Variants in RUNX2 observed in about 807,000 individuals in gnomAD.
RUNX2 encodes RUNX family transcription factor 2.
In RUNX2, 10 loss-of-function variants were observed where a neutral mutation model predicts 51.7. The observed-to-expected ratio is 0.19, with a 90% CI of 0.12 to 0.33. RUNX2 has a LOEUF of 0.33. RUNX2 is among the 10% of genes least tolerant of loss of function. The pLI is 1.00. For synonymous variants in RUNX2, 276 were observed against 273.6 expected (o/e 1.01, Z -0.09); for missense variants, 562 against 691.3 (o/e 0.81, Z 2.10).
intron 5 of RUNX2, among the ~76,000 whole-genome samples, chr6:45,464,202 A>AT (rs1468368211): frequency 6.6e-6 from 1 of 152,114 alleles, no homozygotes; most frequent in East Asian, 1.9e-4. Context: ...AAAAAAAAAA[A>AT]AAAATGTTTA....
chr6:45,523,742 G>A (rs1801579892), intron 7 of RUNX2, among the ~76,000 whole-genome samples: 1 of 151,788 alleles, frequency 6.6e-6, no homozygotes, highest in African/African-American at 2.4e-5. Flanking sequence ...AGACCATCCT[G>A]GCCAACATGG....
intron 5 of RUNX2, among the ~76,000 whole-genome samples, chr6:45,487,333 G>A (rs763825294): frequency 6.6e-6 from 1 of 152,102 alleles, no homozygotes; most frequent in Non-Finnish European, 1.5e-5. Flanking sequence ...TTTAGGTAAG[G>A]CATGTCCCCT....
At chr6:45,373,510 CAAA>C (rs1017667923) in intron 2 of RUNX2, among the ~76,000 whole-genome samples, 1 of 151,938 alleles carries the variant, frequency 6.6e-6, no homozygotes, top group African/African-American at 2.4e-5. Flanking sequence ...GTGACCAGAT[CAAA>C]AAAGCACCAT....
Position 45,466,408 on chromosome 6 carries a change from G to T in RUNX2, c.686-25533G>T, listed in dbSNP as rs185854666. On this transcript the variant is annotated intron_variant, in intron 5 of 8. Transcript: ENST00000647337. The stretch of plus-strand genomic sequence containing the variant: ...AGTGTGATTTCAATTTAAATGTGAA[G>T]AAAAAAATGGGGAGAAGTTAGGTAG... Among the ~76,000 whole-genome samples the T allele has an allele frequency of 2.2e-4, 34 of 152,246 alleles. No individual in the cohort carries two copies. The East Asian group carries it at 3.9e-3, about 17-fold the overall frequency.
Position 45,546,895 on chromosome 6 carries a change from C to A in RUNX2, c.1156C>A (p.Arg386Ser). The A allele has an allele frequency of 6.2e-7, 1 of 1,614,002 alleles. No individual in the cohort carries two copies. ...FPSISSLTESRFSNPRMHYPA... is the reference protein window; with the variant it reads ...FPSISSLTESSFSNPRMHYPA... ...AAGCATTTCATCCCTCACTGAGAGC[C>A]GCTTCTCCAACCCACGAATGCACTA... Residue 386 changes from arginine to serine, a missense_variant, in exon 9 of 9, where the codon CGC (arginine) becomes AGC (serine). Arg to Ser is a moderately radical substitution (Grantham distance 110, BLOSUM62 -1). Coordinates refer to ENST00000647337, the MANE Select transcript of RUNX2 (RefSeq NM_001024630.4).
intron 7 of RUNX2, among the ~76,000 whole-genome samples, chr6:45,514,601 G>A (rs528528008): frequency 6.6e-5 from 10 of 152,304 alleles, no homozygotes; most frequent in Non-Finnish European, 8.8e-5. Flanking sequence ...CAGCATGTAG[G>A]TAGGGAAACA....
intron 2 of RUNX2, among the ~76,000 whole-genome samples, chr6:45,366,405 T>C (rs1180768611): frequency 1.3e-5 from 2 of 152,176 alleles, no homozygotes; most frequent in Non-Finnish European, 2.9e-5. Flanking sequence ...CTTAGGGCTG[T>C]TGTGAGAATT....
Position 45,473,257 on chromosome 6 carries a change from C to A in RUNX2, c.686-18684C>A, listed in dbSNP as rs560768684. 5.9e-5 allele frequency among the ~76,000 whole-genome samples: 9 copies of A among 152,006 alleles called. No individual in the cohort carries two copies. The South Asian group carries it at 1.7e-3, about 28-fold the overall frequency. On this transcript the variant is annotated intron_variant, in intron 5 of 8. Transcript: ENST00000647337. ...TGGTTCCCCACACCCCCCAGCTCCA[C>A]CCTCCCCCATTCCTCCCACCTGCCA... is the stretch of plus-strand genomic sequence containing the variant.
rs2150371908 is a variant in RUNX2, at chr6:45,438,026, A to G, written c.660A>G (p.Thr220=). The change falls in exon 5 of 9, where the codon ACA becomes ACG. Residue 220 remains threonine (T), a synonymous_variant. Transcript: ENST00000647337. ...VATYHRAIKV[T]VDGPREPRRH... is the part of the protein sequence containing the mutation. ...CCTATCACAGAGCAATTAAAGTTAC[A>G]GTAGATGGACCTCGGGAACCCAGAA... The G allele has an allele frequency of 8.1e-6, 13 of 1,612,214 alleles. No homozygotes were observed. Among genetic ancestry groups the G allele is most frequent in the Non-Finnish European group, 1.1e-5 (13 of 1,178,330 alleles).
chr6:45,351,036 T>C (rs1184994321), intron 2 of RUNX2, among the ~76,000 whole-genome samples: 1 of 152,110 alleles, frequency 6.6e-6, no homozygotes, highest in Non-Finnish European at 1.5e-5. Flanking sequence ...ATCTAATGCC[T>C]GATGATGTGA....
intron 7 of RUNX2, chr6:45,513,686 A>G (rs996812972): frequency 2.0e-5 from 3 of 152,054 alleles, no homozygotes; most frequent in Non-Finnish European, 4.4e-5. Flanking sequence ...TGGAGGGAGA[A>G]TTGCAAGGTT....
chr6:45,334,846 T>C lies in RUNX2; in HGVS notation c.58+6062T>C, dbSNP rs544018017. On this transcript the variant is annotated intron_variant, in intron 2 of 8. Coordinates refer to ENST00000647337, the MANE Select transcript of RUNX2 (RefSeq NM_001024630.4). ...ATTTTTTTGCATGTAAGTTAACAAA[T>C]GTCAATCTATAAAACCAGTAACAGG... Among the ~76,000 whole-genome samples, 7 of 151,364 alleles carry C rather than the reference T, an allele frequency of 4.6e-5. No individual in the cohort carries two copies. In the South Asian group the frequency reaches 1.5e-3, roughly 31 times the overall value.
intron 7 of RUNX2, among the ~76,000 whole-genome samples, chr6:45,519,975 C>T (rs1264710746): frequency 6.6e-6 from 1 of 151,866 alleles, no homozygotes; most frequent in Non-Finnish European, 1.5e-5. Context: ...GGATTACAGG[C>T]ACCCACCACC....
intron 5 of RUNX2, among the ~76,000 whole-genome samples, chr6:45,472,649 G>T (rs777576228): frequency 1.3e-5 from 2 of 152,184 alleles, no homozygotes; most frequent in African/African-American, 2.4e-5. Context: ...CTTGTATCTG[G>T]TTCCTGCTCT....
chr6:45,373,550 T>C (rs1796381857), intron 2 of RUNX2, among the ~76,000 whole-genome samples: 1 of 152,000 alleles, frequency 6.6e-6, no homozygotes. Flanking sequence ...ATTATTTGTG[T>C]GTGTGTGTGT....
intron 5 of RUNX2, among the ~76,000 whole-genome samples, 169 bp from the exon 6 acceptor site, chr6:45,491,772 C>T (rs931210713): frequency 6.6e-6 from 1 of 151,902 alleles, no homozygotes; most frequent in African/African-American, 2.4e-5. Context: ...CCAGATACCG[C>T]TTATAAAGCA....
At chr6:45,523,563 G>A (rs932201606) in intron 7 of RUNX2, among the ~76,000 whole-genome samples, 5 of 151,808 alleles carry the variant, frequency 3.3e-5, no homozygotes, top group Non-Finnish European at 7.4e-5. Flanking sequence ...GAGCCACTGC[G>A]CCCGGCCTGC....
intron 2 of RUNX2, among the ~76,000 whole-genome samples, chr6:45,341,106 A>T (rs1789681226): frequency 6.6e-6 from 1 of 152,194 alleles, no homozygotes; most frequent in African/African-American, 2.4e-5. Context: ...CTAAGAAGTA[A>T]ATCCTTGACA....
chr6:45,481,613 A>G (rs1800117492), intron 5 of RUNX2, among the ~76,000 whole-genome samples: 1 of 152,068 alleles, frequency 6.6e-6, no homozygotes, highest in African/African-American at 2.4e-5. Context: ...AGTTGTAATT[A>G]GTAGGAGAAC....
Sources: gnomAD v4.1 joint callset for allele counts (sites outside exome capture counted in the v4.1 genomes callset) on GRCh38, gnomAD v4.1.1 for gene constraint, MANE v1.5 for transcripts, NCBI Gene and HGNC (gene_info 2026-07-23, HGNC 2026-07-21) for gene names.